Variants in MCC observed in about 807,000 individuals in gnomAD.
MCC encodes MCC regulator of Wnt signaling pathway.
Under a neutral mutation model 116.2 loss-of-function variants are expected in MCC, and 90 were observed. The observed-to-expected ratio is 0.77, with a 90% CI of 0.65 to 0.92. The LOEUF (loss-of-function observed/expected upper bound fraction) is 0.92, where lower values mean the gene tolerates loss of function less well. Among genes scored for constraint, MCC ranks in the 40% least tolerant of loss-of-function variants. The pLI is 0.00. For synonymous variants in MCC, 578 were observed against 510.5 expected (o/e 1.13, Z -1.78); for missense variants, 1,516 against 1,312.2 (o/e 1.16, Z -2.40).
chr5:113,236,184 T>C (rs1289916455), intron 3 of MCC, among the ~76,000 whole-genome samples: 2 of 151,656 alleles, frequency 1.3e-5, no homozygotes, highest in African/African-American at 2.4e-5. Context: ...CTGAGAGAGG[T>C]GAGGTATGCT....
chr5:113,246,111 T>G (rs1018904210), intron 3 of MCC, among the ~76,000 whole-genome samples: 2 of 152,222 alleles, frequency 1.3e-5, no homozygotes, highest in African/African-American at 4.8e-5. Context: ...AAAAGATGGC[T>G]TACTAGCAGA....
chr5:113,179,987 C>G (rs1581210754), intron 3 of MCC, among the ~76,000 whole-genome samples: 1 of 152,172 alleles, frequency 6.6e-6, no homozygotes, highest in East Asian at 1.9e-4. Context: ...GAAGATGTAG[C>G]TTCAGACGAT....
chr5:113,312,166 A>G (rs1767150693), intron 3 of MCC, among the ~76,000 whole-genome samples: 1 of 152,052 alleles, frequency 6.6e-6, no homozygotes, highest in African/African-American at 2.4e-5. Flanking sequence ...GGTCCCAGCT[A>G]CTGGGGAGGC....
In MCC at chr5:113,028,760, C is replaced by T. The variant is rs1380247294; in HGVS notation, c.2879+174G>A. ...TTCCACAGACCATCTTGGGAGATGC[C>T]ACTCTAAGGAAGACCAGGCTCTTAG... On this transcript the variant is annotated intron_variant, in intron 18 of 18. Coordinates refer to ENST00000408903, the MANE Select transcript of MCC (RefSeq NM_001085377.2). 2.6e-5 allele frequency among the ~76,000 whole-genome samples: 4 copies of T among 152,092 alleles called. No individual in the cohort carries two copies. In the East Asian group the frequency reaches 7.7e-4, roughly 29 times the overall value.
intron 14 of MCC, among the ~76,000 whole-genome samples, chr5:113,055,247 T>C (rs1485321152): frequency 6.6e-6 from 1 of 152,130 alleles, no homozygotes; most frequent in East Asian, 1.9e-4. Context: ...CAGAATCCTG[T>C]AGCTAGAAGC....
rs1239923079 is a variant in MCC, at chr5:113,064,241, A to C, written c.2030-74T>G. On this transcript the variant is annotated intron_variant, in intron 13 of 18. Coordinates refer to ENST00000408903, the MANE Select transcript of MCC (RefSeq NM_001085377.2). ...GCACGCCTGGGAGGGACTATGCATAATTAACTCTGTTACTTAGGGCAGAGG... is the reference window on the plus strand; with the variant it reads ...GCACGCCTGGGAGGGACTATGCATACTTAACTCTGTTACTTAGGGCAGAGG... The C allele has an allele frequency of 7.4e-6, 10 of 1,353,556 alleles. No homozygotes were observed. In the African/African-American group the frequency reaches 1.0e-4, roughly 14 times the overall value. 83.8% of individuals were successfully genotyped at this position (1,353,556 alleles called of 1,614,324 possible). A position where few individuals can be genotyped will look rare whatever the true frequency, so the allele number is the denominator to read the frequency against.
intron 1 of MCC, among the ~76,000 whole-genome samples, chr5:113,448,693 A>C (rs1015087096): frequency 3.9e-5 from 6 of 152,182 alleles, no homozygotes; most frequent in African/African-American, 1.4e-4. Flanking sequence ...TTTGTACCTT[A>C]AGATTTTCTT....
At chr5:113,125,618 C>T (rs1479203831) in intron 5 of MCC, among the ~76,000 whole-genome samples, 1 of 152,156 alleles carries the variant, frequency 6.6e-6, no homozygotes, top group Non-Finnish European at 1.5e-5. Context: ...TGTAAACTAA[C>T]TCGATTTATG....
At chr5:113,249,072 G>A (rs944993510) in intron 3 of MCC, among the ~76,000 whole-genome samples, 3 of 152,034 alleles carry the variant, frequency 2.0e-5, no homozygotes, top group Non-Finnish European at 4.4e-5. Flanking sequence ...TCGAACTCCT[G>A]ACCTCGTGAT....
rs897277446 is a variant in MCC at position 113,044,763 on chromosome 5, G to A, written c.2656-1133C>T. Among the ~76,000 whole-genome samples the A allele has an allele frequency of 9.2e-5, 14 of 152,056 alleles. No individual in the cohort carries two copies. The South Asian group carries it at 1.7e-3, about 18-fold the overall frequency. ...CTAATTTTGTATTTTTAGTAGAGAC[G>A]GGGTTTCTCCATGTTGGTCAGGCTG... On this transcript the variant is annotated intron_variant, in intron 16 of 18. Transcript: ENST00000408903.
chr5:113,089,624 A>G (rs1037033520), intron 8 of MCC, among the ~76,000 whole-genome samples: 3 of 152,262 alleles, frequency 2.0e-5, no homozygotes, highest in Non-Finnish European at 4.4e-5. Flanking sequence ...ACTATCTGCT[A>G]TGGTAGCCTG....
intron 3 of MCC, among the ~76,000 whole-genome samples, chr5:113,191,073 C>T (rs1054695929): frequency 8.5e-5 from 13 of 152,166 alleles, no homozygotes; most frequent in Non-Finnish European, 1.8e-4. Flanking sequence ...GAACAGAAAT[C>T]ATCAAATCCA....
intron 3 of MCC, among the ~76,000 whole-genome samples, chr5:113,293,290 T>C (rs1481807605): frequency 2.0e-5 from 3 of 151,866 alleles, no homozygotes; most frequent in African/African-American, 4.8e-5. Context: ...CCCTTCACCA[T>C]TGGTAGTCTG....
At chr5:113,428,759 A>C (rs1165505698) in intron 1 of MCC, 2 of 152,218 alleles carry the variant, frequency 1.3e-5, no homozygotes, top group African/African-American at 4.8e-5. Flanking sequence ...CTGTCTACAC[A>C]GTTTGACTTT....
intron 1 of MCC, among the ~76,000 whole-genome samples, chr5:113,387,683 T>C (rs1016457044): frequency 3.9e-5 from 6 of 152,220 alleles, no homozygotes; most frequent in African/African-American, 1.4e-4. Context: ...TTTCACAGTG[T>C]ATTATACTAC....
intron 5 of MCC, among the ~76,000 whole-genome samples, chr5:113,124,453 C>CT (rs1757924693): frequency 6.6e-6 from 1 of 152,290 alleles, no homozygotes; most frequent in East Asian, 1.9e-4. Flanking sequence ...TCAGCCGAGA[C>CT]TTTTTTGCAG....
At chr5:113,440,120 A>G (rs562747378) in intron 1 of MCC, among the ~76,000 whole-genome samples, 1 of 152,102 alleles carries the variant, frequency 6.6e-6, no homozygotes, top group South Asian at 2.1e-4. Flanking sequence ...GCATACCCTC[A>G]TCTCTTCTCA....
At chr5:113,486,168 A>G (rs1275870006) in intron 1 of MCC, among the ~76,000 whole-genome samples, 1 of 152,216 alleles carries the variant, frequency 6.6e-6, no homozygotes. Flanking sequence ...CTTCTCCTAC[A>G]TGGCAATTCT....
chr5:113,301,255 C>T (rs1477847040), intron 3 of MCC, among the ~76,000 whole-genome samples: 1 of 152,140 alleles, frequency 6.6e-6, no homozygotes, highest in Non-Finnish European at 1.5e-5. Flanking sequence ...CACCCGAGGT[C>T]GGGAGTTCAA....
Sources: allele counts gnomAD v4.1 joint callset (sites outside exome capture counted in the v4.1 genomes callset), GRCh38; gene constraint gnomAD v4.1.1; transcripts MANE v1.5; gene names NCBI Gene and HGNC (gene_info 2026-07-23, HGNC 2026-07-21).